The following VPS13B variants were observed in gnomAD, a reference collection of about 807,000 sequenced individuals.
The protein encoded by VPS13B is vacuolar protein sorting 13 homolog B, also known as intermembrane lipid transfer protein VPS13B.
In VPS13B, 285 loss-of-function variants were observed where a neutral mutation model predicts 426.4. The ratio of observed to expected loss-of-function variants is 0.67; its 90% CI spans 0.61 to 0.74. The LOEUF is 0.74. VPS13B is among the 30% of genes least tolerant of loss of function. The pLI, the probability that VPS13B is intolerant of heterozygous loss-of-function variation, is 0.00. For missense variants in VPS13B, 4,537 were observed against 4,782.6 expected (o/e 0.95, Z 1.51); for synonymous variants, 1,676 against 1,676.4 (o/e 1.00, Z 0.01).
intron 19 of VPS13B, among the ~76,000 whole-genome samples, chr8:99,311,089 T>C (rs964994306): frequency 6.6e-6 from 1 of 152,200 alleles, no homozygotes; most frequent in African/African-American, 2.4e-5. Context: ...TGCTTTGGTC[T>C]ATCAATTTTG....
At chr8:99,459,589 A>G (rs893802325) in intron 23 of VPS13B, among the ~76,000 whole-genome samples, 8 of 152,324 alleles carry the variant, frequency 5.3e-5, no homozygotes, top group African/African-American at 1.7e-4. Context: ...TGTACTGAAT[A>G]CTGTAGGCAA....
intron 43 of VPS13B, among the ~76,000 whole-genome samples, chr8:99,805,254 TACAC>T (rs1458109503): frequency 2.7e-5 from 4 of 150,458 alleles, no homozygotes; most frequent in East Asian, 1.9e-4. Flanking sequence ...AAAAAAAAAA[TACAC>T]AAATGAGTGT....
chr8:99,547,899 A>G (rs528356786), intron 30 of VPS13B, among the ~76,000 whole-genome samples: 2 of 152,234 alleles, frequency 1.3e-5, no homozygotes, highest in South Asian at 4.1e-4. Flanking sequence ...AAAGGCTGCA[A>G]TAAGGAGACA....
intron 35 of VPS13B, chr8:99,696,304 G>A (rs915412799): frequency 3.2e-5 from 8 of 246,826 alleles, no homozygotes; most frequent in East Asian, 1.1e-4. Context: ...CACAGAGGTG[G>A]TGGTGAATAA....
intron 19 of VPS13B, among the ~76,000 whole-genome samples, chr8:99,310,366 G>A (rs201356012): frequency 1.3e-5 from 2 of 151,630 alleles, no homozygotes; most frequent in Admixed American, 6.6e-5. Flanking sequence ...CATCAATACC[G>A]AATTTACTGA....
At chr8:99,588,119 A>T (rs1826404137) in intron 33 of VPS13B, among the ~76,000 whole-genome samples, 1 of 151,748 alleles carries the variant, frequency 6.6e-6, no homozygotes, top group Non-Finnish European at 1.5e-5. Context: ...TTTGTCAAAG[A>T]TCAGATGGTT....
At chr8:99,052,426 G>A (rs1240913177) in intron 3 of VPS13B, among the ~76,000 whole-genome samples, 4 of 85,452 alleles carry the variant, frequency 4.7e-5, no homozygotes, top group African/African-American at 8.8e-5. Context: ...TGCTGGATTC[G>A]GTTTGCCAGT....
rs375358848 is a variant in VPS13B at position 99,233,959 on chromosome 8, G to A, written c.2516-40239G>A. The A allele has an allele frequency of 1.3e-5, 10 of 791,478 alleles. No individual in the cohort carries two copies. The African/African-American group carries it at 1.4e-4, about 11-fold the overall frequency. The allele number at this position is 791,478 out of a possible 1,614,324, so 49.0% of individuals were successfully genotyped here. A position where few individuals can be genotyped will look rare whatever the true frequency, so the allele number is the denominator to read the frequency against. ...CAGCTCCAGAGTTCTCTTTTCTATG[G>A]ATGTCTACCCGGGACTGGGTCTGCT... On this transcript the variant is annotated intron_variant, in intron 17 of 61. Coordinates refer to ENST00000357162, the MANE Select transcript of VPS13B (RefSeq NM_152564.5).
chr8:99,046,122 A>C (rs561571721), intron 3 of VPS13B, among the ~76,000 whole-genome samples: 24 of 152,276 alleles, frequency 1.6e-4, no homozygotes, highest in African/African-American at 5.1e-4. Flanking sequence ...TTGAATTTGT[A>C]GATTGCTTTT....
chr8:99,571,175 A>C (rs1825455255), intron 31 of VPS13B, among the ~76,000 whole-genome samples: 1 of 152,106 alleles, frequency 6.6e-6, no homozygotes, highest in Non-Finnish European at 1.5e-5. Flanking sequence ...CTCTCAATTT[A>C]ATGACCCTAA....
At chr8:99,285,376 A>AT (rs1554711280) in intron 19 of VPS13B, among the ~76,000 whole-genome samples, 1 of 152,074 alleles carries the variant, frequency 6.6e-6, no homozygotes, top group Non-Finnish European at 1.5e-5. Context: ...ACAAGGTCAA[A>AT]TTTTTTGCAT....
chr8:99,452,281 C>T (rs1204861519), intron 23 of VPS13B, among the ~76,000 whole-genome samples: 1 of 152,184 alleles, frequency 6.6e-6, no homozygotes, highest in Admixed American at 6.5e-5. Context: ...TCCTTCTCCT[C>T]CTTCAGGCTT....
chr8:99,585,864 T>G (rs1440198214), intron 33 of VPS13B, among the ~76,000 whole-genome samples: 2 of 152,210 alleles, frequency 1.3e-5, no homozygotes, highest in East Asian at 3.8e-4. Context: ...TCCAATCCCT[T>G]ACTATGTTTA....
intron 31 of VPS13B, 129 bp downstream of exon 31, chr8:99,556,782 T>C: frequency 2.0e-6 from 2 of 1,016,682 alleles, no homozygotes; most frequent in Non-Finnish European, 3.0e-6. Flanking sequence ...ATTATAAGCA[T>C]AAAAAATATT....
intron 19 of VPS13B, among the ~76,000 whole-genome samples, chr8:99,345,033 C>A (rs1170892660): frequency 6.6e-6 from 1 of 152,098 alleles, no homozygotes; most frequent in Non-Finnish European, 1.5e-5. Context: ...CCATCTCATT[C>A]TTTGGTGTTA....
chr8:99,391,021 G>A (rs964535323), intron 20 of VPS13B, among the ~76,000 whole-genome samples: 2 of 152,024 alleles, frequency 1.3e-5, no homozygotes, highest in South Asian at 2.1e-4. Context: ...CAGACAAAAC[G>A]TAGAGATTTT....
chr8:99,829,261 C>A (rs959625077), intron 51 of VPS13B, among the ~76,000 whole-genome samples: 23 of 152,202 alleles, frequency 1.5e-4, no homozygotes, highest in Admixed American at 5.2e-4. Context: ...GGTCTTTTCA[C>A]ATAGTCCCAT....
intron 35 of VPS13B, chr8:99,696,399 G>GTAGAT: frequency 3.0e-6 from 1 of 330,772 alleles, no homozygotes; most frequent in Non-Finnish European, 6.0e-6. Context: ...AGATCGTGGT[G>GTAGAT]CTCATGCTGT....
At chr8:99,365,935 A>G (rs971932668) in intron 19 of VPS13B, among the ~76,000 whole-genome samples, 2 of 150,222 alleles carry the variant, frequency 1.3e-5, no homozygotes, top group African/African-American at 4.9e-5. Context: ...CACCATGGTC[A>G]GAGAAGATGC....
Sources: gnomAD v4.1 joint callset for allele counts (sites outside exome capture counted in the v4.1 genomes callset) on GRCh38, gnomAD v4.1.1 for gene constraint, MANE v1.5 for transcripts, NCBI Gene and HGNC (gene_info 2026-07-23, HGNC 2026-07-21) for gene names.